The following MUC4 variants were observed in gnomAD, a reference collection of about 807,000 sequenced individuals.
The protein encoded by MUC4 is mucin-4.
Under a neutral mutation model 257.9 loss-of-function variants are expected in MUC4, and 202 were observed. The ratio of observed to expected loss-of-function variants is 0.78; its 90% CI spans 0.70 to 0.88. The LOEUF is 0.88. Ranked by LOEUF, MUC4 falls within the 40% of genes least tolerant of loss-of-function variation. The probability of loss-of-function intolerance (pLI) is 0.00; values close to 1 mark genes in which losing one functional copy is unlikely to be tolerated. For synonymous variants in MUC4, 2,351 were observed against 2,757.1 expected (o/e 0.85, Z 4.62); for missense variants, 5,976 against 6,513.7 (o/e 0.92, Z 2.84).
intron 1 of MUC4, among the ~76,000 whole-genome samples, chr3:195,799,382 C>T (rs542970668): frequency 2.6e-4 from 39 of 152,218 alleles, no homozygotes; most frequent in South Asian, 1.2e-3. Context: ...CGATTTCGGC[C>T]CACTGCAACC....
chr3:195,761,254 G>A, intron 15 of MUC4, 137 bp from the exon 16 acceptor site: 5 of 815,410 alleles, frequency 6.1e-6, no homozygotes, highest in East Asian at 5.2e-5. Context: ...CAGCTTCTGA[G>A]TCTAGAAACA....
rs1239320665 is a variant in MUC4 at position 195,811,897 on chromosome 3, CGTCCCCTCAGGCGGCTGG to C, written c.-98_-81del. 1.4e-6 allele frequency: 2 copies of C among 1,416,482 alleles called. No homozygotes were observed. Among genetic ancestry groups the C allele is most frequent in the Non-Finnish European group, 2.0e-6 (2 of 1,018,108 alleles). 87.7% of individuals were successfully genotyped at this position (1,416,482 alleles called of 1,614,324 possible). A position where few individuals can be genotyped will look rare whatever the true frequency, so the allele number is the denominator to read the frequency against. On this transcript the variant is annotated 5_prime_UTR_variant, in exon 1 of 25. Transcript: ENST00000463781. ...GCAGTGTGAGGAGCAGACGTGAGCCCGTCCCCTCAGGCGGCTGGCCCGAACCAAGTGCGTTTCTCCGAA... is the reference window on the plus strand; with the variant it reads ...GCAGTGTGAGGAGCAGACGTGAGCCCCCCGAACCAAGTGCGTTTCTCCGAA...
intron 2 of MUC4, 126 bp from the exon 3 acceptor site, chr3:195,778,581 T>C (rs1408713143): frequency 2.7e-5 from 36 of 1,355,148 alleles, no homozygotes; most frequent in Non-Finnish European, 3.5e-5. Flanking sequence ...CCTGCTCATA[T>C]CCAAACTACT....
At position 195,791,254 on chromosome 3, in the gene MUC4, T is replaced by A. The variant is rs1733830112; in HGVS notation, c.326A>T (p.Asn109Ile). Residue 109 changes from asparagine (N) to isoleucine (I), a missense_variant, in exon 2 of 25, where the codon AAT (asparagine) becomes ATT (isoleucine). Asn to Ile is a moderately radical substitution (Grantham distance 149, BLOSUM62 -3). This residue lies in a region of MUC4 where 1,583 missense variants were observed against 1,257.4 expected (regional missense o/e 1.26). Coordinates refer to ENST00000463781, the MANE Select transcript of MUC4 (RefSeq NM_018406.7). ...STLFSSPSVH[N>I]VMETAPPDEM... ...ATCTGGAGGAGCTGTCTCCATCACA[T>A]TGTGTACACTTGGGGAAGAAAAAAG... is the stretch of plus-strand genomic sequence containing the variant. The A allele has an allele frequency of 1.1e-5, 4 of 353,904 alleles. No individual in the cohort carries two copies. Among genetic ancestry groups the A allele is most frequent in the Admixed American group, 1.0e-4 (2 of 19,144 alleles). 21.9% of individuals were successfully genotyped at this position (353,904 alleles called of 1,614,324 possible).
Position 195,760,932 on chromosome 3 carries a change from G to A in MUC4, c.14800C>T (p.His4934Tyr). Reference sequence around the variant, plus strand: ...TAGTTTTTACTGACTTCCCTCGTGTGAAGTCCGATGCTTGCGTTGCGCAGG... The same window carrying A: ...TAGTTTTTACTGACTTCCCTCGTGTAAAGTCCGATGCTTGCGTTGCGCAGG... ...LALRNASIGL[H>Y]TREVSKNYEQ... Residue 4934 changes from histidine (H) to tyrosine (Y), a missense_variant, in exon 16 of 25, where the codon CAC becomes TAC. His to Tyr is a moderately conservative substitution (Grantham distance 83). Transcript: ENST00000463781. 1.2e-6 allele frequency: 2 copies of A among 1,614,244 alleles called. No homozygotes were observed. Among genetic ancestry groups the A allele is most frequent in the Non-Finnish European group, 1.7e-6 (2 of 1,180,044 alleles).
At chr3:195,752,348 C>A in intron 21 of MUC4, 25 bp downstream of exon 21, 1 of 1,600,636 alleles carries the variant, frequency 6.2e-7, no homozygotes, top group Non-Finnish European at 8.6e-7. Flanking sequence ...CCCCTCCCAC[C>A]CAGAGCGCGG....
Position 195,790,173 on chromosome 3 carries a change from G to A in MUC4, c.1407C>T (p.Ser469=), listed in dbSNP as rs1578429854. ...CTTGAGACACACCTGGAGAGAATGAGCTCCTCTCATGAGGCCGTCCTGTGG... is the reference window on the plus strand; with the variant it reads ...CTTGAGACACACCTGGAGAGAATGAACTCCTCTCATGAGGCCGTCCTGTGG... The part of the protein sequence containing the change: ...AETTGRPHER[S]SFSPGVSQEI... Residue 469 remains serine, a synonymous_variant, in exon 2 of 25, where the codon AGC becomes AGT. Coordinates refer to ENST00000463781, the MANE Select transcript of MUC4 (RefSeq NM_018406.7). 2.5e-6 allele frequency: 4 copies of A among 1,613,908 alleles called. No individual in the cohort carries two copies. The South Asian group carries it at 3.3e-5, about 13-fold the overall frequency.
intron 4 of MUC4, among the ~76,000 whole-genome samples, chr3:195,772,709 T>TCGCTCAGGGGTGTAGACACCCTCTCTC (rs1723256361): frequency 3.1e-5 from 1 of 32,074 alleles, no homozygotes; most frequent in African/African-American, 2.5e-4. Flanking sequence ...CACCCTCCCT[T>TCGCTCAGGGGTGTAGACACCCTCTCTC]CATCGCTCAG....
intron 1 of MUC4, among the ~76,000 whole-genome samples, chr3:195,796,468 G>A (rs1411273417): frequency 6.6e-6 from 1 of 151,804 alleles, no homozygotes; most frequent in Non-Finnish European, 1.5e-5. Context: ...ATCCTAACAC[G>A]TTGGGAGGGT....
Position 195,778,471 on chromosome 3 carries a change from G to T in MUC4, c.12791-16C>A. On this transcript the variant is annotated splice_polypyrimidine_tract_variant and intron_variant, in intron 2 of 24. Transcript: ENST00000463781. ...GTTGTCATTCCTGGACACGTGAAAA[G>T]ACAAGGCGGGGTGTTTCTTACAGTA... The T allele has an allele frequency of 6.2e-7, 1 of 1,610,392 alleles. No homozygotes were observed. The highest frequency in any genetic ancestry group is 8.5e-7 in the Non-Finnish European group (1 of 1,179,142).
chr3:195,766,796 C>G (rs1578048681), intron 7 of MUC4, 45 bp from the exon 8 acceptor site: 2 of 1,570,158 alleles, frequency 1.3e-6, no homozygotes, highest in Non-Finnish European at 1.8e-6. Context: ...TGCACAGGCT[C>G]TTGCCTCGCG....
chr3:195,796,269 G>A (rs1400939778), intron 1 of MUC4, among the ~76,000 whole-genome samples: 1 of 151,816 alleles, frequency 6.6e-6, no homozygotes, highest in Admixed American at 6.6e-5. Flanking sequence ...TTTTAGTAGA[G>A]ACTGGGTTTC....
Position 195,791,417 on chromosome 3 carries a change from C to G in MUC4, c.163G>C (p.Glu55Gln), listed in dbSNP as rs1368296820. ...GAAGAAGCTGCAGTTGATTGTCCCT[C>G]TAGTGTCGCTGTTGTTGAGCCTGTT... The part of the protein sequence containing the change: ...TSTGSTTATL[E>Q]GQSTAASSRT... Residue 55 changes from glutamate to glutamine, a missense_variant, in exon 2 of 25, where the codon GAG (glutamate) becomes CAG (glutamine). Around this residue, in one of 44 missense-constraint regions of MUC4, gnomAD observed 1,583 missense variants for 1,257.4 expected, o/e 1.26. Coordinates refer to ENST00000463781, the MANE Select transcript of MUC4 (RefSeq NM_018406.7). 2 of 1,613,978 alleles carry G rather than the reference C, an allele frequency of 1.2e-6. No homozygotes were observed. Among genetic ancestry groups the G allele is most frequent in the Admixed American group, 1.7e-5 (1 of 60,022 alleles).
intron 10 of MUC4, 43 bp from the exon 11 acceptor site, chr3:195,764,207 G>A: frequency 6.5e-7 from 1 of 1,549,344 alleles, no homozygotes; most frequent in South Asian, 1.2e-5. Flanking sequence ...AGGACCTGGA[G>A]AAGCTTGGCA....
At position 195,780,283 on chromosome 3, in the gene MUC4, G is replaced by T. The variant is rs1399869604; in HGVS notation, c.11297C>A (p.Ala3766Asp). Residue 3766 changes from alanine (A) to aspartate (D), a missense_variant, in exon 2 of 25, where the codon GCT becomes GAT. Ala to Asp is a moderately radical substitution (Grantham distance 126). Coordinates refer to ENST00000463781, the MANE Select transcript of MUC4 (RefSeq NM_018406.7). ...GHATPLLVTD[A>D]SSVSTGHATP... ...GGCGTGACCTGTGGACACTGAGGAA[G>T]CGTCGGTGACAAGAAGAGGGGTGGC... 1 of 1,529,644 alleles carries T rather than the reference G, an allele frequency of 6.5e-7. No individual in the cohort carries two copies. The highest frequency in any genetic ancestry group is 8.8e-7 in the Non-Finnish European group (1 of 1,131,606). 94.8% of individuals were successfully genotyped at this position (1,529,644 alleles called of 1,614,324 possible).
chr3:195,748,602 A>G (rs1418989243), intron 24 of MUC4, among the ~76,000 whole-genome samples: 2 of 152,282 alleles, frequency 1.3e-5, no homozygotes, highest in East Asian at 3.8e-4. Context: ...TTTGGAAACC[A>G]TGCCCTGCTG....
chr3:195,761,531 A>G lies in MUC4; in HGVS notation c.14567T>C (p.Ile4856Thr). ...DDFRMPNGST[I>T]PPGSPEEMLF... Reference sequence around the variant, plus strand: ...CATCTCCTCAGGGCTCCCTGGGGGAATGGTGGAGCCATTGGGCATCCTGAA... The same window carrying G: ...CATCTCCTCAGGGCTCCCTGGGGGAGTGGTGGAGCCATTGGGCATCCTGAA... The change falls in exon 15 of 25, where the codon ATT (isoleucine) becomes ACT (threonine). Residue 4856 changes from isoleucine (I) to threonine (T), a missense_variant. Around this residue, in one of 44 missense-constraint regions of MUC4, gnomAD observed 996 missense variants for 1,137.3 expected, o/e 0.88. Transcript: ENST00000463781. 1 of 1,614,074 alleles carries G rather than the reference A, an allele frequency of 6.2e-7. No individual in the cohort carries two copies. Among genetic ancestry groups the G allele is most frequent in the African/African-American group, 1.3e-5 (1 of 75,056 alleles).
chr3:195,756,904 G>T (rs776727272), intron 18 of MUC4, among the ~76,000 whole-genome samples: 2 of 151,990 alleles, frequency 1.3e-5, no homozygotes, highest in African/African-American at 2.4e-5. Flanking sequence ...CTTGTGATCC[G>T]CTTGCCTCAG....
Position 195,754,261 on chromosome 3 carries a change from A to C in MUC4, c.15280T>G (p.Cys5094Gly). ...GTCAGGTTTGGAGGGCAGGCCTCGC[A>C]GCCCTTCCCAGGAACGCAGTGGACA... ...PSVHCVPGKG[C>G]EACPPNLTGD... is the part of the protein sequence containing the mutation. Residue 5094 changes from cysteine to glycine, a missense_variant, in exon 19 of 25, where the codon TGC (cysteine) becomes GGC (glycine). Physicochemically the swap from Cys to Gly is radical, Grantham distance 159 (BLOSUM62 -3). This residue lies in a region of MUC4 where 996 missense variants were observed against 1,137.3 expected (regional missense o/e 0.88). Transcript: ENST00000463781. The C allele has an allele frequency of 6.2e-7, 1 of 1,614,002 alleles. No homozygotes were observed. Among genetic ancestry groups the C allele is most frequent in the Non-Finnish European group, 8.5e-7 (1 of 1,179,980 alleles).
Sources: allele counts gnomAD v4.1 joint callset (sites outside exome capture counted in the v4.1 genomes callset), GRCh38; gene constraint gnomAD v4.1.1; regional missense constraint gnomAD v4.1.1; transcripts MANE v1.5; gene names NCBI Gene and HGNC (gene_info 2026-07-23, HGNC 2026-07-21).